The following ANTXR1 variants were observed in gnomAD, a reference collection of about 807,000 sequenced individuals.
ANTXR1 encodes anthrax toxin receptor 1.
A neutral mutation model predicts 78.1 loss-of-function variants in ANTXR1; 19 were observed. The ratio of observed to expected loss-of-function variants is 0.24; its 90% CI spans 0.17 to 0.36. ANTXR1 has a LOEUF of 0.36. ANTXR1 is among the 10% of genes least tolerant of loss of function. ANTXR1 has a pLI of 1.00. For missense variants in ANTXR1, 518 were observed against 718.6 expected, an observed-to-expected ratio of 0.72 and a Z score of 3.19; for synonymous variants, 273 against 260.5, an observed-to-expected ratio of 1.05 and a Z score of -0.46.
chr2:69,199,490 A>G (rs1439529818), intron 17 of ANTXR1, among the ~76,000 whole-genome samples: 1 of 152,192 alleles, frequency 6.6e-6, no homozygotes, highest in Non-Finnish European at 1.5e-5. Flanking sequence ...TTAAATCTAA[A>G]TATTAAGCCT....
chr2:69,193,382 T>A lies in ANTXR1; in HGVS notation c.1401T>A (p.Arg467=). 6.2e-7 allele frequency: 1 copy of A among 1,613,958 alleles called. No homozygotes were observed. The highest frequency in any genetic ancestry group is 8.5e-7 in the Non-Finnish European group (1 of 1,179,948). Residue 467 remains arginine (R), a synonymous_variant, in exon 17 of 18, where the codon CGT becomes CGA. Transcript: ENST00000303714. Reference sequence around the variant, plus strand: ...TCCTACTGAGGAAAGGATATGATCGTGTGTCTGTGATGCGTCCACAGCCAG... The same window carrying A: ...TCCTACTGAGGAAAGGATATGATCGAGTGTCTGTGATGCGTCCACAGCCAG... ...LWVLLRKGYD[R]VSVMRPQPGD... is the part of the protein sequence containing the mutation.
intron 8 of ANTXR1, among the ~76,000 whole-genome samples, chr2:69,081,002 C>T (rs1206228236): frequency 6.6e-6 from 1 of 152,196 alleles, no homozygotes; most frequent in African/African-American, 2.4e-5. Context: ...AATCAAGACT[C>T]AGGAAATCTA....
chr2:69,096,483 A>AGAGG (rs56655171), intron 9 of ANTXR1, among the ~76,000 whole-genome samples: 17 of 135,682 alleles, frequency 1.3e-4, no homozygotes, highest in South Asian at 2.5e-4. Flanking sequence ...AGAGAGAGAA[A>AGAGG]GAGGGAGGGA....
chr2:69,159,690 T>C (rs369873957), intron 13 of ANTXR1, among the ~76,000 whole-genome samples: 24 of 152,308 alleles, frequency 1.6e-4, no homozygotes, highest in East Asian at 1.5e-3. Context: ...TGTCCATGCA[T>C]TCAGAATTTT....
At chr2:69,044,649 C>A in intron 2 of ANTXR1, 93 bp from the exon 3 acceptor site, 2 of 1,365,814 alleles carry the variant, frequency 1.5e-6, no homozygotes, top group Non-Finnish European at 2.1e-6. Context: ...TTCTGGCAGC[C>A]GTGATAGAAA....
rs570426293 is a variant in ANTXR1 at position 69,097,156 on chromosome 2, G to A, written c.704-5686G>A. Among the ~76,000 whole-genome samples the A allele has an allele frequency of 4.6e-5, 7 of 152,342 alleles. No individual in the cohort carries two copies. In the South Asian group the frequency reaches 1.5e-3, roughly 32 times the overall value. On this transcript the variant is annotated intron_variant, in intron 9 of 17. Coordinates refer to ENST00000303714, the MANE Select transcript of ANTXR1 (RefSeq NM_032208.3). ...TCTGGAAAATGCACCCTGTGCCTGAGCACAGTCTTTCTGTGGTCCCACTCA... is the reference window on the plus strand; with the variant it reads ...TCTGGAAAATGCACCCTGTGCCTGAACACAGTCTTTCTGTGGTCCCACTCA...
At position 69,036,962 on chromosome 2, in the gene ANTXR1, A is replaced by G. The variant is rs72895442; in HGVS notation, c.153-3082A>G. Among the ~76,000 whole-genome samples, 1,434 of 152,316 alleles carry G rather than the reference A, an allele frequency of 9.4e-3. 17 individuals carry two copies. The highest frequency in any genetic ancestry group is 0.031 in the African/African-American group (1,300 of 41,570). On this transcript the variant is annotated intron_variant, in intron 1 of 17. Transcript: ENST00000303714. ...AGGAGGATGGCCAGGTCTTTATGAA[A>G]GAAGATTTCTAAAGCTTTAAGCCCA...
intron 9 of ANTXR1, among the ~76,000 whole-genome samples, chr2:69,097,045 A>G (rs547120861): frequency 7.9e-5 from 12 of 152,322 alleles, no homozygotes; most frequent in Non-Finnish European, 1.3e-4. Flanking sequence ...ACTCTTTTTT[A>G]AAGTTTCTAA....
intron 1 of ANTXR1, among the ~76,000 whole-genome samples, chr2:69,039,306 G>A (rs910645277): frequency 3.3e-5 from 5 of 152,154 alleles, no homozygotes; most frequent in Admixed American, 2.6e-4. Context: ...TGAAACAGAA[G>A]TCAAACTTGG....
chr2:69,210,723 G>A (rs1675019957), intron 17 of ANTXR1, among the ~76,000 whole-genome samples: 1 of 152,098 alleles, frequency 6.6e-6, no homozygotes, highest in African/African-American at 2.4e-5. Flanking sequence ...ATCACTTGAG[G>A]TCAGGAGTTT....
intron 13 of ANTXR1, among the ~76,000 whole-genome samples, chr2:69,169,205 T>C (rs1253821446): frequency 3.3e-5 from 5 of 152,244 alleles, no homozygotes; most frequent in Non-Finnish European, 7.3e-5. Flanking sequence ...CTGTGGGCTG[T>C]GCCCGAGCAC....
intron 3 of ANTXR1, among the ~76,000 whole-genome samples, chr2:69,068,220 C>A (rs1002561702): frequency 6.6e-6 from 1 of 152,078 alleles, no homozygotes; most frequent in Non-Finnish European, 1.5e-5. Flanking sequence ...TAATGGGGAC[C>A]AAAACAGCCA....
chr2:69,234,765 A>G (rs981635973), intron 17 of ANTXR1, among the ~76,000 whole-genome samples: 2 of 152,118 alleles, frequency 1.3e-5, no homozygotes, highest in African/African-American at 4.8e-5. Context: ...CTCCGTCTCA[A>G]AAATTTAAAA....
At chr2:69,163,625 C>T (rs1673745348) in intron 13 of ANTXR1, among the ~76,000 whole-genome samples, 1 of 152,142 alleles carries the variant, frequency 6.6e-6, no homozygotes, top group Admixed American at 6.5e-5. Context: ...TTTTTCGAAC[C>T]AGGACACACG....
At chr2:69,070,215 T>C (rs2104204342) in intron 3 of ANTXR1, among the ~76,000 whole-genome samples, 1 of 152,324 alleles carries the variant, frequency 6.6e-6, no homozygotes, top group South Asian at 2.1e-4. Context: ...CAGTTTGCTG[T>C]GGATGCCACC....
At chr2:69,210,344 G>A (rs972483022) in intron 17 of ANTXR1, among the ~76,000 whole-genome samples, 6 of 152,288 alleles carry the variant, frequency 3.9e-5, no homozygotes, top group African/African-American at 4.8e-5. Flanking sequence ...AGCTGTTAGC[G>A]TCTTAATTGT....
chr2:69,019,508 T>A (rs1181946170), intron 1 of ANTXR1, among the ~76,000 whole-genome samples: 2 of 152,184 alleles, frequency 1.3e-5, no homozygotes, highest in Admixed American at 1.3e-4. Context: ...TTATCTCCTC[T>A]TTTCTCATTT....
rs569102002 is a variant in ANTXR1 at position 69,240,841 on chromosome 2, T to C, written c.1435-4384T>C. ...TTTTTCTGTACAATGAAAATACTGA[T>C]ACATAACTGACAGAGTTTTGATGAT... On this transcript the variant is annotated intron_variant, in intron 17 of 17. Transcript: ENST00000303714. Among the ~76,000 whole-genome samples the C allele has an allele frequency of 1.2e-4, 18 of 152,206 alleles. 1 individual carries two copies. The South Asian group carries it at 2.5e-3, about 21-fold the overall frequency.
At chr2:69,081,000 C>G (rs1264543425) in intron 8 of ANTXR1, among the ~76,000 whole-genome samples, 1 of 152,172 alleles carries the variant, frequency 6.6e-6, no homozygotes, top group Non-Finnish European at 1.5e-5. Context: ...GAAATCAAGA[C>G]TCAGGAAATC....
Sources: gnomAD v4.1 joint callset for allele counts (sites outside exome capture counted in the v4.1 genomes callset) on GRCh38, gnomAD v4.1.1 for gene constraint, MANE v1.5 for transcripts, NCBI Gene and HGNC (gene_info 2026-07-23, HGNC 2026-07-21) for gene names.